Variants in COLEC10 observed in about 807,000 individuals in gnomAD.
The protein encoded by COLEC10 is collectin-10.
In COLEC10, 22 loss-of-function variants were observed where a neutral mutation model predicts 28.4. That is an observed-to-expected ratio of 0.78 (90% CI 0.55 to 1.11). The LOEUF is 1.11. Ranked by LOEUF, COLEC10 falls within the 50% of genes least tolerant of loss-of-function variation. The probability of loss-of-function intolerance (pLI) is 0.00; values close to 1 mark genes in which losing one functional copy is unlikely to be tolerated. For missense variants in COLEC10, 361 were observed against 344.1 expected, an observed-to-expected ratio of 1.05 and a Z score of -0.39; for synonymous variants, 125 against 116.1, an observed-to-expected ratio of 1.08 and a Z score of -0.49.
chr8:118,997,071 C>T (rs1813602300), intron 1 of COLEC10, among the ~76,000 whole-genome samples: 1 of 152,218 alleles, frequency 6.6e-6, no homozygotes, highest in Non-Finnish European at 1.5e-5. Context: ...AGACACACAT[C>T]CAAACCATAT....
At chr8:119,059,460 A>AC (rs975336085) in intron 2 of COLEC10, among the ~76,000 whole-genome samples, 4 of 151,948 alleles carry the variant, frequency 2.6e-5, no homozygotes, top group African/African-American at 9.7e-5. Context: ...TGTTGAAAAG[A>AC]CCCCCGAACA....
At chr8:119,056,834 T>G (rs1814770146) in intron 2 of COLEC10, among the ~76,000 whole-genome samples, 1 of 152,024 alleles carries the variant, frequency 6.6e-6, no homozygotes, top group South Asian at 2.1e-4. Flanking sequence ...CAGCAGCATG[T>G]ATAATGCCCT....
At chr8:118,978,820 T>TTATAAATACCA in the COLEC10 span, among the ~76,000 whole-genome samples, 8 of 152,178 alleles carry the variant, frequency 5.3e-5, no homozygotes, top group East Asian at 1.2e-3. Context: ...TGCCATATGC[T>TTATAAATACCA]TATAAATACC....
At chr8:119,033,352 A>G (rs1281158042) in intron 2 of COLEC10, among the ~76,000 whole-genome samples, 2 of 94,132 alleles carry the variant, frequency 2.1e-5, no homozygotes, top group African/African-American at 1.2e-4. Flanking sequence ...AGACTTCATG[A>G]CTATAACACC....
the COLEC10 span, among the ~76,000 whole-genome samples, chr8:118,963,048 C>T: frequency 2.3e-3 from 348 of 152,200 alleles, 4 homozygotes; most frequent in Admixed American, 5.5e-3. Flanking sequence ...GAAAGAAAAA[C>T]ACAGAGTGCT....
the COLEC10 span, among the ~76,000 whole-genome samples, chr8:118,988,290 G>A: frequency 6.6e-6 from 1 of 151,810 alleles, no homozygotes; most frequent in Admixed American, 6.6e-5. Flanking sequence ...TCTGGCGGTG[G>A]AGACAGGGGT....
chr8:119,087,481 G>GA (rs1190321538), intron 1 of COLEC10, among the ~76,000 whole-genome samples: 3 of 152,064 alleles, frequency 2.0e-5, no homozygotes, highest in Admixed American at 2.0e-4. Flanking sequence ...TGAATGCATG[G>GA]AAAAAAGCTC....
the COLEC10 span, among the ~76,000 whole-genome samples, chr8:118,987,628 T>A: frequency 3.9e-5 from 6 of 152,152 alleles, no homozygotes; most frequent in Admixed American, 2.6e-4. Flanking sequence ...AAGAAAACAT[T>A]TAAACAATAT....
intron 5 of COLEC10, 101 bp downstream of exon 5, chr8:119,103,996 G>A (rs1815890457): frequency 3.5e-6 from 3 of 853,284 alleles, no homozygotes; most frequent in South Asian, 1.5e-5. Context: ...TGGACAAAGG[G>A]CTATTGAGAT....
upstream of COLEC10, among the ~76,000 whole-genome samples, chr8:118,992,091 T>G (rs1168496686): frequency 6.6e-6 from 1 of 152,154 alleles, no homozygotes; most frequent in African/African-American, 2.4e-5. Flanking sequence ...GAGTCTCATT[T>G]GTAAAATGCA....
chr8:118,985,118 C>A, the COLEC10 span, among the ~76,000 whole-genome samples: 279 of 152,128 alleles, frequency 1.8e-3, 1 homozygote, highest in African/African-American at 6.3e-3. Context: ...GTTCCCTGTA[C>A]CCTCAGAGAG....
chr8:118,966,678 G>T, the COLEC10 span, among the ~76,000 whole-genome samples: 3 of 145,406 alleles, frequency 2.1e-5, no homozygotes, highest in African/African-American at 5.0e-5. Flanking sequence ...AATGTTCCAT[G>T]TTTTTTTTTT....
intron 3 of COLEC10, among the ~76,000 whole-genome samples, chr8:119,092,236 A>AT (rs1291975911): frequency 6.6e-6 from 1 of 151,664 alleles, no homozygotes; most frequent in Non-Finnish European, 1.5e-5. Flanking sequence ...CGCCCAGCTG[A>AT]TTTTTTGTAT....
At chr8:118,968,161 A>T in the COLEC10 span, among the ~76,000 whole-genome samples, 7 of 151,168 alleles carry the variant, frequency 4.6e-5, no homozygotes, top group Non-Finnish European at 8.9e-5. Flanking sequence ...TAGGACACAA[A>T]TTTTTTTTCA....
the COLEC10 span, among the ~76,000 whole-genome samples, chr8:118,988,922 G>A: frequency 2.6e-5 from 4 of 152,128 alleles, no homozygotes; most frequent in Non-Finnish European, 5.9e-5. Context: ...CAATATGCCT[G>A]CCTTTCAACA....
At position 119,085,672 on chromosome 8, in the gene COLEC10, G is replaced by C. The variant is rs539650545; in HGVS notation, c.149-4008G>C. Among the ~76,000 whole-genome samples, 45 of 143,736 alleles carry C rather than the reference G, an allele frequency of 3.1e-4. 1 individual carries two copies. The South Asian group carries it at 9.6e-3, about 31-fold the overall frequency. 94.3% of individuals were successfully genotyped at this position (143,736 alleles called of 152,430 possible). On this transcript the variant is annotated intron_variant, in intron 1 of 5. Transcript: ENST00000332843. ...GAGATGCAGTCTCGCTCTATCACCAGGCTGGGGTGCAGTGGCACAAACTGC... is the reference window on the plus strand; with the variant it reads ...GAGATGCAGTCTCGCTCTATCACCACGCTGGGGTGCAGTGGCACAAACTGC...
At chr8:118,967,505 G>T in the COLEC10 span, among the ~76,000 whole-genome samples, 1 of 151,878 alleles carries the variant, frequency 6.6e-6, no homozygotes, top group African/African-American at 2.4e-5. Context: ...TTACTTACTT[G>T]TATAATAAGT....
the COLEC10 span, among the ~76,000 whole-genome samples, chr8:118,971,406 A>G: frequency 6.6e-6 from 1 of 152,094 alleles, no homozygotes; most frequent in East Asian, 1.9e-4. Flanking sequence ...GGCAGGGGGA[A>G]TTAGGAGTGG....
chr8:119,103,824 A>C lies in COLEC10; in HGVS notation c.371A>C (p.Tyr124Ser). Residue 124 changes from tyrosine to serine, a missense_variant, in exon 5 of 6, where the codon TAC (tyrosine) becomes TCC (serine). By Grantham distance (144) the Tyr-to-Ser change is moderately radical. Around this residue, in one of 3 missense-constraint regions of COLEC10, gnomAD observed 335 missense variants for 308.5 expected, o/e 1.09. Coordinates refer to ENST00000332843, the MANE Select transcript of COLEC10 (RefSeq NM_006438.5). ...GGTACTGTCTGTGATTGTGGAAGATACCGGAAATTTGTTGGACAACTGGAT... is the reference window on the plus strand; with the variant it reads ...GGTACTGTCTGTGATTGTGGAAGATCCCGGAAATTTGTTGGACAACTGGAT... ...KAGTVCDCGR[Y>S]RKFVGQLDIS... 7.4e-6 allele frequency: 12 copies of C among 1,611,654 alleles called. No individual in the cohort carries two copies. Among genetic ancestry groups the C allele is most frequent in the African/African-American group, 1.3e-5 (1 of 74,886 alleles).
Sources: gnomAD v4.1 joint callset for allele counts (sites outside exome capture counted in the v4.1 genomes callset) on GRCh38, gnomAD v4.1.1 for gene constraint, gnomAD v4.1.1 regional missense constraint, MANE v1.5 for transcripts, NCBI Gene and HGNC (gene_info 2026-07-23, HGNC 2026-07-21) for gene names.